PRDM16: variants seen among roughly 807,000 people sequenced by gnomAD.
The protein encoded by PRDM16 is histone-lysine N-methyltransferase PRDM16.
A neutral mutation model predicts 110.6 loss-of-function variants in PRDM16; 23 were observed. The observed-to-expected ratio is 0.21, with a 90% CI of 0.15 to 0.29. The LOEUF is 0.29. Ranked by LOEUF, PRDM16 falls within the 10% of genes least tolerant of loss-of-function variation. The pLI is 1.00. For missense variants in PRDM16, 1,615 were observed against 1,794.3 expected (o/e 0.90, Z 1.81); for synonymous variants, 799 against 781.8 (o/e 1.02, Z -0.37).
chr1:3,199,741 C>A (rs1638571478), intron 2 of PRDM16, among the ~76,000 whole-genome samples: 1 of 152,218 alleles, frequency 6.6e-6, no homozygotes, highest in Non-Finnish European at 1.5e-5. Context: ...CCCAGCTGCA[C>A]TCGAGCCCCA....
At chr1:3,154,357 C>T (rs986485185) in intron 1 of PRDM16, among the ~76,000 whole-genome samples, 3 of 152,184 alleles carry the variant, frequency 2.0e-5, no homozygotes, top group Non-Finnish European at 4.4e-5. Context: ...CAGGAGGCGA[C>T]GGAGCTGCCT....
intron 3 of PRDM16, among the ~76,000 whole-genome samples, chr1:3,264,583 C>T (rs532186643): frequency 8.2e-4 from 99 of 120,448 alleles, no homozygotes; most frequent in African/African-American, 3.3e-3. Flanking sequence ...GGACCCCGGG[C>T]CAGGAGGAGC....
intron 2 of PRDM16, among the ~76,000 whole-genome samples, chr1:3,205,289 G>C (rs1167376805): frequency 2.0e-5 from 3 of 152,126 alleles, no homozygotes; most frequent in Non-Finnish European, 4.4e-5. Context: ...TCGGCCCCAA[G>C]TTCACCAGAG....
chr1:3,137,720 A>C (rs1643469102), intron 1 of PRDM16, among the ~76,000 whole-genome samples: 1 of 152,236 alleles, frequency 6.6e-6, no homozygotes, highest in African/African-American at 2.4e-5. Context: ...AATATTCCTG[A>C]CAGTGGAGGA....
chr1:3,280,093 G>GAGTC (rs1169068116), intron 3 of PRDM16, among the ~76,000 whole-genome samples: 1 of 152,002 alleles, frequency 6.6e-6, no homozygotes, highest in African/African-American at 2.4e-5. Flanking sequence ...AATTATCCAT[G>GAGTC]AGTCCTCTAT....
intron 1 of PRDM16, among the ~76,000 whole-genome samples, chr1:3,117,237 A>G (rs1276177812): frequency 1.3e-5 from 2 of 152,210 alleles, no homozygotes; most frequent in African/African-American, 4.8e-5. Flanking sequence ...CCAGGCTTAC[A>G]GGCATTTTAA....
intron 3 of PRDM16, among the ~76,000 whole-genome samples, chr1:3,318,102 C>T (rs746348349): frequency 2.6e-5 from 4 of 152,204 alleles, no homozygotes; most frequent in African/African-American, 4.8e-5. Flanking sequence ...AGTCATGAGC[C>T]GGAGTTGATT....
intron 3 of PRDM16, among the ~76,000 whole-genome samples, chr1:3,272,091 G>A (rs896173430): frequency 6.6e-6 from 1 of 152,276 alleles, no homozygotes; most frequent in African/African-American, 2.4e-5. Context: ...GCTTGCAGAC[G>A]CTTCCAGAGG....
rs572941637 is a variant in PRDM16, at chr1:3,382,789, G to A, written c.439-2363G>A. Among the ~76,000 whole-genome samples the A allele has an allele frequency of 2.0e-5, 3 of 152,308 alleles. No homozygotes were observed. Among genetic ancestry groups the A allele is most frequent in the Admixed American group, 6.5e-5 (1 of 15,310 alleles). On this transcript the variant is annotated intron_variant, in intron 3 of 16. Coordinates refer to ENST00000270722, the MANE Select transcript of PRDM16 (RefSeq NM_022114.4). The surrounding 1 kb of genome is among the most constrained non-coding windows in gnomAD (Gnocchi z 6.6). ...ATCCGGGTCCCAGGTGGGAGGGCAC[G>A]GCCCGCCCTGGGTGAGCACCAGCCC...
chr1:3,416,615 A>G (rs1391780660), intron 10 of PRDM16, among the ~76,000 whole-genome samples: 2 of 152,130 alleles, frequency 1.3e-5, no homozygotes, highest in Non-Finnish European at 2.9e-5. Flanking sequence ...TTCCCTCTGC[A>G]TCTGTATCAG....
At position 3,147,167 on chromosome 1, in the gene PRDM16, C is replaced by T. The variant is rs950405152; in HGVS notation, c.38-38958C>T. 1.3e-4 allele frequency among the ~76,000 whole-genome samples: 16 copies of T among 126,074 alleles called. No individual in the cohort carries two copies. In the South Asian group the frequency reaches 1.4e-3, roughly 11 times the overall value. 82.7% of individuals were successfully genotyped at this position (126,074 alleles called of 152,430 possible). A position where few individuals can be genotyped will look rare whatever the true frequency, so the allele number is the denominator to read the frequency against. On this transcript the variant is annotated intron_variant, in intron 1 of 16. Transcript: ENST00000270722. ...GTGTGCTCGGTGTGAGGTGTGTGCA[C>T]GCACGTGTGTGCTCGGTGTGGGTGT...
rs12071545 is a variant in PRDM16, at chr1:3,158,474, G to A, written c.38-27651G>A. 1.7e-3 allele frequency among the ~76,000 whole-genome samples: 253 copies of A among 151,770 alleles called. 1 individual carries two copies. The highest frequency in any genetic ancestry group is 5.7e-3 in the African/African-American group (234 of 41,384). On this transcript the variant is annotated intron_variant, in intron 1 of 16. Transcript: ENST00000270722. ...AAACATTTTTAAAACCTATTTTCTC[G>A]CCTATACCTAAGTCACTGATATTTC... is the stretch of plus-strand genomic sequence containing the variant.
At chr1:3,124,215 C>T (rs1381340226) in intron 1 of PRDM16, among the ~76,000 whole-genome samples, 2 of 152,094 alleles carry the variant, frequency 1.3e-5, no homozygotes, top group African/African-American at 2.4e-5. Context: ...CTGGCTCAGC[C>T]CAGCCTGGGC....
At chr1:3,387,264 C>T (rs545199101) in intron 4 of PRDM16, among the ~76,000 whole-genome samples, 4 of 152,306 alleles carry the variant, frequency 2.6e-5, no homozygotes, top group African/African-American at 7.2e-5. Context: ...ACCCAAACCA[C>T]AGATAATGTC....
intron 1 of PRDM16, among the ~76,000 whole-genome samples, chr1:3,074,842 G>C (rs1194629183): frequency 6.6e-6 from 1 of 152,248 alleles, no homozygotes; most frequent in African/African-American, 2.4e-5. Flanking sequence ...TGGAGCTGCT[G>C]CTGCCCTGTT....
chr1:3,375,500 C>T (rs1221586604), intron 3 of PRDM16, among the ~76,000 whole-genome samples: 11 of 152,240 alleles, frequency 7.2e-5, no homozygotes, highest in Admixed American at 5.2e-4. Flanking sequence ...CCACGAAGGA[C>T]GAGCCACATG....
intron 1 of PRDM16, among the ~76,000 whole-genome samples, chr1:3,158,556 AG>A (rs1311481615): frequency 6.6e-6 from 1 of 152,196 alleles, no homozygotes; most frequent in Admixed American, 6.5e-5. Flanking sequence ...CATGGCGAGA[AG>A]GCACGATGAC....
intron 1 of PRDM16, among the ~76,000 whole-genome samples, chr1:3,166,599 C>T (rs1051925859): frequency 5.9e-5 from 9 of 152,222 alleles, no homozygotes; most frequent in Non-Finnish European, 1.0e-4. Flanking sequence ...TCCCTCGCAT[C>T]GCCAGTAACC....
In PRDM16 at chr1:3,382,609, G is replaced by A. The variant is rs1471797323; in HGVS notation, c.439-2543G>A. 6.6e-6 allele frequency among the ~76,000 whole-genome samples: 1 copy of A among 152,184 alleles called. No homozygotes were observed. The highest frequency in any genetic ancestry group is 6.5e-5 in the Admixed American group (1 of 15,292). ...GGGGGAAGGTGTTGGCTGAGCCCAT[G>A]TCTTGGGTGCATTAGGGGTGAGTCC... On this transcript the variant is annotated intron_variant, in intron 3 of 16. Coordinates refer to ENST00000270722, the MANE Select transcript of PRDM16 (RefSeq NM_022114.4). The surrounding 1 kb of genome is among the most constrained non-coding windows in gnomAD (Gnocchi z 6.6).
Sources: allele counts gnomAD v4.1 joint callset (sites outside exome capture counted in the v4.1 genomes callset), GRCh38; gene constraint gnomAD v4.1.1; non-coding constraint Gnocchi (gnomAD v3.1); transcripts MANE v1.5; gene names NCBI Gene and HGNC (gene_info 2026-07-23, HGNC 2026-07-21).